Variants in RYR2 observed in about 807,000 individuals in gnomAD.
RYR2 encodes ryanodine receptor 2.
RYR2 carries 227 observed loss-of-function variants against 601.1 expected under a neutral mutation model. The ratio of observed to expected loss-of-function variants is 0.38; its 90% CI spans 0.34 to 0.42. The LOEUF (loss-of-function observed/expected upper bound fraction) is 0.42. RYR2 is among the 10% of genes least tolerant of loss of function. RYR2 has a pLI of 1.00. For missense variants in RYR2, 4,646 were observed against 6,156.5 expected, an observed-to-expected ratio of 0.75 and a Z score of 8.21; for synonymous variants, 2,223 against 2,175.1, an observed-to-expected ratio of 1.02 and a Z score of -0.61.
At chr1:237,601,929 C>T (rs1676545781) in intron 34 of RYR2, 96 bp from the exon 35 acceptor site, 5 of 944,520 alleles carry the variant, frequency 5.3e-6, no homozygotes, top group East Asian at 2.7e-5. Context: ...TCTCTGGGCT[C>T]CTTCTGTAAA....
rs1453756929 is a variant in RYR2, at chr1:237,649,857, ACT to A, written c.7513-15_7513-14del. On this transcript the variant is annotated intron_variant, in intron 49 of 104. Transcript: ENST00000366574. The stretch of plus-strand genomic sequence containing the variant: ...TACTGCCAAACACAAATGGCCTTCT[ACT>A]CTCTGATTCTTTTTCAGGCAGCTTT... The A allele has an allele frequency of 6.2e-7, 1 of 1,608,828 alleles. No homozygotes were observed. Among genetic ancestry groups the A allele is most frequent in the East Asian group, 2.2e-5 (1 of 44,788 alleles).
chr1:237,703,651 TTA>T (rs1381252395), intron 66 of RYR2, among the ~76,000 whole-genome samples: 2 of 148,774 alleles, frequency 1.3e-5, no homozygotes, highest in African/African-American at 2.4e-5. Context: ...AGATAGCATT[TTA>T]TGACATGGTA....
intron 2 of RYR2, among the ~76,000 whole-genome samples, chr1:237,286,470 G>A (rs1398878525): frequency 5.3e-5 from 8 of 150,188 alleles, no homozygotes; most frequent in South Asian, 2.1e-4. Flanking sequence ...AGTTCCATGC[G>A]CTTTTAATAG....
chr1:237,466,970 T>C (rs1478753187), intron 16 of RYR2, among the ~76,000 whole-genome samples: 1 of 151,736 alleles, frequency 6.6e-6, no homozygotes. Context: ...TTATACCATG[T>C]CTGTTTGCAG....
At chr1:237,542,064 T>G (rs1463179971) in intron 25 of RYR2, among the ~76,000 whole-genome samples, 1 of 15,266 alleles carries the variant, frequency 6.6e-5, no homozygotes, top group South Asian at 1.5e-3. Flanking sequence ...TTGTCTTTAT[T>G]TATTTATTTA....
At chr1:237,260,726 A>G (rs1447167634) in intron 1 of RYR2, among the ~76,000 whole-genome samples, 1 of 152,230 alleles carries the variant, frequency 6.6e-6, no homozygotes, top group Non-Finnish European at 1.5e-5. Flanking sequence ...AGTCTTCTAA[A>G]TTATAGTGTA....
intron 16 of RYR2, among the ~76,000 whole-genome samples, chr1:237,460,276 T>G (rs1659325027): frequency 6.6e-6 from 1 of 151,994 alleles, no homozygotes; most frequent in Admixed American, 6.5e-5. Flanking sequence ...ACAACGCTTC[T>G]CGCATCTCAT....
intron 1 of RYR2, among the ~76,000 whole-genome samples, chr1:237,108,647 G>A (rs1015793520): frequency 1.3e-5 from 2 of 152,202 alleles, no homozygotes; most frequent in Admixed American, 1.3e-4. Context: ...GAGAGGCCGG[G>A]AGTGTGTAGG....
chr1:237,538,161 G>A (rs979422267), intron 25 of RYR2, among the ~76,000 whole-genome samples: 75 of 151,464 alleles, frequency 5.0e-4, no homozygotes, highest in Admixed American at 1.1e-3. Flanking sequence ...AAGTCGAGGT[G>A]GGCAGATCAT....
At chr1:237,665,469 C>CCAGTGG (rs1684240194) in intron 56 of RYR2, among the ~76,000 whole-genome samples, 1 of 150,240 alleles carries the variant, frequency 6.7e-6, no homozygotes, top group Non-Finnish European at 1.5e-5. Context: ...GAACAAAGAA[C>CCAGTGG]CAGTGGCAGT....
At chr1:237,467,849 T>G (rs1660252441) in intron 16 of RYR2, among the ~76,000 whole-genome samples, 1 of 144,512 alleles carries the variant, frequency 6.9e-6, no homozygotes, top group Non-Finnish European at 1.5e-5. Flanking sequence ...AGCTACCAGA[T>G]TTTCTCTGCT....
At chr1:237,698,912 G>A in intron 63 of RYR2, 53 bp from the exon 64 acceptor site, 1 of 949,848 alleles carries the variant, frequency 1.1e-6, no homozygotes, top group South Asian at 1.7e-5. Context: ...TAGAAAAGAA[G>A]AACATTGAGA....
intron 25 of RYR2, among the ~76,000 whole-genome samples, chr1:237,536,073 A>T (rs1212329841): frequency 2.0e-5 from 3 of 152,220 alleles, no homozygotes; most frequent in Admixed American, 2.0e-4. Context: ...CAAGAAAAAA[A>T]TCATGAGGCT....
At chr1:237,531,287 C>T (rs1324166314) in intron 25 of RYR2, among the ~76,000 whole-genome samples, 3 of 152,102 alleles carry the variant, frequency 2.0e-5, no homozygotes, top group African/African-American at 7.2e-5. Flanking sequence ...TGTTCTATGA[C>T]CTATGTTTGT....
intron 10 of RYR2, among the ~76,000 whole-genome samples, chr1:237,393,326 A>C (rs1450458287): frequency 6.6e-6 from 1 of 152,240 alleles, no homozygotes; most frequent in Non-Finnish European, 1.5e-5. Flanking sequence ...ATGTGTATGC[A>C]TGACAAGATT....
At chr1:237,442,100 G>C (rs1017349374) in intron 13 of RYR2, among the ~76,000 whole-genome samples, 3 of 152,164 alleles carry the variant, frequency 2.0e-5, no homozygotes, top group Admixed American at 6.5e-5. Context: ...TGGTGAGATT[G>C]CCCATGCACC....
At chr1:237,249,818 C>T (rs1329908827) in intron 1 of RYR2, among the ~76,000 whole-genome samples, 1 of 152,160 alleles carries the variant, frequency 6.6e-6, no homozygotes. Flanking sequence ...TCATCAAACA[C>T]TCACTGAACA....
intron 62 of RYR2, among the ~76,000 whole-genome samples, chr1:237,681,839 T>C (rs1446651242): frequency 2.0e-5 from 3 of 152,164 alleles, no homozygotes; most frequent in African/African-American, 7.2e-5. Flanking sequence ...TGCACGCAAG[T>C]AGCTAGAATA....
intron 3 of RYR2, among the ~76,000 whole-genome samples, chr1:237,336,139 A>C (rs1432729684): frequency 6.6e-6 from 1 of 152,188 alleles, no homozygotes; most frequent in Non-Finnish European, 1.5e-5. Context: ...GTTGGCATGA[A>C]GAAGGAATTG....
Sources: gnomAD v4.1 joint callset for allele counts (sites outside exome capture counted in the v4.1 genomes callset) on GRCh38, gnomAD v4.1.1 for gene constraint, MANE v1.5 for transcripts, NCBI Gene and HGNC (gene_info 2026-07-23, HGNC 2026-07-21) for gene names.